KIT: variants seen among roughly 807,000 people sequenced by gnomAD.
KIT encodes mast/stem cell growth factor receptor Kit.
A neutral mutation model predicts 105.7 loss-of-function variants in KIT; 16 were observed. The observed-to-expected ratio is 0.15, with a 90% CI of 0.10 to 0.23. KIT has a LOEUF of 0.23. Among genes scored for constraint, KIT ranks in the 10% least tolerant of loss-of-function variants. The pLI is 1.00. For synonymous variants in KIT, 438 were observed against 441.1 expected (o/e 0.99, Z 0.09); for missense variants, 858 against 1,213.8 (o/e 0.71, Z 4.36).
chr4:54,732,603 A>T (rs542792485), intron 16 of KIT, among the ~76,000 whole-genome samples: 1 of 152,156 alleles, frequency 6.6e-6, no homozygotes. Flanking sequence ...CTTAAATGTC[A>T]TGGGTGACAT....
chr4:54,712,200 A>G (rs1254017222), intron 7 of KIT, among the ~76,000 whole-genome samples: 1 of 152,246 alleles, frequency 6.6e-6, no homozygotes, highest in African/African-American at 2.4e-5. Context: ...AAAATATAGT[A>G]AAAACCAATT....
At chr4:54,667,409 G>T (rs1717781580) in intron 1 of KIT, among the ~76,000 whole-genome samples, 1 of 152,180 alleles carries the variant, frequency 6.6e-6, no homozygotes, top group Non-Finnish European at 1.5e-5. Context: ...AGATGGTCCT[G>T]GGTAGGCGCC....
intron 17 of KIT, chr4:54,733,456 A>C (rs1238054428): frequency 2.6e-6 from 1 of 391,130 alleles, no homozygotes; most frequent in African/African-American, 2.1e-5. Flanking sequence ...TTTTCATTAT[A>C]GCCTGAGAAT....
chr4:54,709,691 G>C (rs1721016840), intron 7 of KIT, 152 bp downstream of exon 7: 2 of 695,130 alleles, frequency 2.9e-6, no homozygotes, highest in Admixed American at 2.0e-5. Context: ...TTGGTGGTTA[G>C]AGTGTGTCAA....
chr4:54,680,673 A>G (rs1246295197), intron 1 of KIT, among the ~76,000 whole-genome samples: 2 of 152,066 alleles, frequency 1.3e-5, no homozygotes, highest in Non-Finnish European at 2.9e-5. Flanking sequence ...GATTACAGGT[A>G]TGAGCCACCG....
chr4:54,678,290 C>CTCCTTCCTTCCTTCCTTCCTTCCT (rs55800200), intron 1 of KIT, among the ~76,000 whole-genome samples: 1 of 101,592 alleles, frequency 9.8e-6, no homozygotes, highest in Admixed American at 9.8e-5. Context: ...GGCTGGCTCG[C>CTCCTTCCTTCCTTCCTTCCTTCCT]TCCTTCCTTC....
chr4:54,690,394 G>A (rs376363521), intron 1 of KIT, among the ~76,000 whole-genome samples: 1 of 152,206 alleles, frequency 6.6e-6, no homozygotes, highest in Admixed American at 6.5e-5. Context: ...CCTCTATGCT[G>A]TTTGAGAGCG....
intron 3 of KIT, 70 bp from the exon 4 acceptor site, chr4:54,699,560 A>T (rs1720313317): frequency 6.5e-7 from 1 of 1,547,028 alleles, no homozygotes; most frequent in Non-Finnish European, 8.9e-7. Flanking sequence ...ACATTTGAGG[A>T]GAAATGGTAA....
chr4:54,738,868 C>T lies in KIT; in HGVS notation c.*311C>T. 1 of 598,080 alleles carries T rather than the reference C, an allele frequency of 1.7e-6. No individual in the cohort carries two copies. The highest frequency in any genetic ancestry group is 3.0e-6 in the Non-Finnish European group (1 of 337,094). 37.0% of individuals were successfully genotyped at this position (598,080 alleles called of 1,614,324 possible). A position where few individuals can be genotyped will look rare whatever the true frequency, so the allele number is the denominator to read the frequency against. On this transcript the variant is annotated 3_prime_UTR_variant, in exon 21 of 21. Coordinates refer to ENST00000288135, the MANE Select transcript of KIT (RefSeq NM_000222.3). ...AGTCCTTTCCAAGGCTTCTCCAATTCTGCCCAAAAATATGGTTGATAGTTT... is the reference window on the plus strand; with the variant it reads ...AGTCCTTTCCAAGGCTTCTCCAATTTTGCCCAAAAATATGGTTGATAGTTT...
chr4:54,690,060 G>GC (rs993062707), intron 1 of KIT, among the ~76,000 whole-genome samples: 9 of 121,764 alleles, frequency 7.4e-5, no homozygotes, highest in Non-Finnish European at 1.4e-4. Flanking sequence ...TTTTTTTGTG[G>GC]GGGGGGGGGG....
chr4:54,697,261 A>G (rs1176164990), intron 2 of KIT, among the ~76,000 whole-genome samples: 1 of 152,224 alleles, frequency 6.6e-6, no homozygotes, highest in Non-Finnish European at 1.5e-5. Flanking sequence ...TGCATAATTT[A>G]TCTTGGAAAA....
intron 7 of KIT, among the ~76,000 whole-genome samples, chr4:54,712,433 G>A (rs1721221068): frequency 6.6e-6 from 1 of 152,332 alleles, no homozygotes; most frequent in Non-Finnish European, 1.5e-5. Flanking sequence ...GGAATTTTAT[G>A]AAGTGAGGTA....
chr4:54,723,826 A>G (rs748981795), intron 8 of KIT, 128 bp downstream of exon 8: 6 of 717,882 alleles, frequency 8.4e-6, no homozygotes, highest in Non-Finnish European at 1.5e-5. Flanking sequence ...TTTTCTAGCC[A>G]TGTGGCTTTT....
chr4:54,719,750 G>A (rs954420586), intron 7 of KIT, among the ~76,000 whole-genome samples: 1 of 152,176 alleles, frequency 6.6e-6, no homozygotes, highest in Non-Finnish European at 1.5e-5. Flanking sequence ...TTAAAGGCAA[G>A]ATGTATATTT....
intron 17 of KIT, among the ~76,000 whole-genome samples, chr4:54,734,664 G>T (rs1019037787): frequency 7.2e-5 from 11 of 152,232 alleles, no homozygotes; most frequent in African/African-American, 2.2e-4. Flanking sequence ...TAAGAAGAAG[G>T]AAACTCATAT....
intron 7 of KIT, among the ~76,000 whole-genome samples, chr4:54,715,419 GATTT>G (rs1309670166): frequency 6.6e-6 from 1 of 151,302 alleles, no homozygotes; most frequent in African/African-American, 2.4e-5. Flanking sequence ...AAAGAAAAGA[GATTT>G]ATTTGGCTCA....
chr4:54,699,550 A>G, intron 3 of KIT, 80 bp from the exon 4 acceptor site: 1 of 1,479,594 alleles, frequency 6.8e-7, no homozygotes, highest in East Asian at 2.3e-5. Context: ...TAAGCTGTAC[A>G]CATTTGAGGA....
intron 1 of KIT, among the ~76,000 whole-genome samples, chr4:54,660,754 G>T (rs3819389): frequency 0.28 from 43,222 of 151,940 alleles, 7,305 homozygotes; most frequent in Admixed American, 0.4. Context: ...AATCATCAGT[G>T]GTGAAGCCTG....
At chr4:54,681,118 G>A (rs1718882306) in intron 1 of KIT, among the ~76,000 whole-genome samples, 1 of 152,162 alleles carries the variant, frequency 6.6e-6, no homozygotes, top group African/African-American at 2.4e-5. Flanking sequence ...GTTCAAAGAA[G>A]GGACGAGCTC....
Sources: allele counts gnomAD v4.1 joint callset (sites outside exome capture counted in the v4.1 genomes callset), GRCh38; gene constraint gnomAD v4.1.1; transcripts MANE v1.5; gene names NCBI Gene and HGNC (gene_info 2026-07-23, HGNC 2026-07-21).